The following FMN1 variants were observed in gnomAD, a reference collection of about 807,000 sequenced individuals.
The protein encoded by FMN1 is formin-1.
FMN1 carries 110 observed loss-of-function variants against 132.4 expected under a neutral mutation model. That is an observed-to-expected ratio of 0.83 (90% CI 0.71 to 0.97). The LOEUF (loss-of-function observed/expected upper bound fraction) is 0.97, where lower values mean the gene tolerates loss of function less well. Ranked by LOEUF, FMN1 falls within the 50% of genes least tolerant of loss-of-function variation. The pLI, the probability that FMN1 is intolerant of heterozygous loss-of-function variation, is 0.00. For missense variants in FMN1, 1,792 were observed against 1,705.3 expected, an observed-to-expected ratio of 1.05 and a Z score of -0.90; for synonymous variants, 722 against 651.7, an observed-to-expected ratio of 1.11 and a Z score of -1.64.
chr15:33,123,997 AAGAC>A (rs1962813863), intron 4 of FMN1, among the ~76,000 whole-genome samples: 1 of 152,222 alleles, frequency 6.6e-6, no homozygotes, highest in Admixed American at 6.5e-5. Context: ...CATAGCTACT[AAGAC>A]AGTGTCCCAA....
chr15:32,900,296 A>G lies in FMN1; in HGVS notation c.3508-171T>C, dbSNP rs572505189. The G allele has an allele frequency of 1.2e-3, 850 of 731,186 alleles. 6 individuals are homozygous for G. The highest frequency in any genetic ancestry group is 2.5e-3 in the Middle Eastern group (11 of 4,424). The allele number at this position is 731,186 out of a possible 1,614,324, so 45.3% of individuals were successfully genotyped here. A position where few individuals can be genotyped will look rare whatever the true frequency, so the allele number is the denominator to read the frequency against. ...TTTACTAAGCCATGAGTGTCTTTAC[A>G]AACACATTAACAGCCATTATTTTCT... On this transcript the variant is annotated intron_variant, in intron 13 of 20. Coordinates refer to ENST00000616417, the MANE Select transcript of FMN1 (RefSeq NM_001277313.2).
intron 10 of FMN1, among the ~76,000 whole-genome samples, chr15:32,923,569 T>C (rs1456881228): frequency 2.0e-5 from 3 of 152,186 alleles, no homozygotes. Context: ...CCACAAGGAC[T>C]AGAAGTCTGT....
At chr15:33,012,126 C>T in intron 6 of FMN1, 1 of 461,924 alleles carries the variant, frequency 2.2e-6, no homozygotes, top group Non-Finnish European at 4.0e-6. Context: ...GTCATGTCTG[C>T]ACATCAGAGT....
In FMN1 at chr15:32,901,623, T is replaced by G. The variant is rs1405216227; in HGVS notation, c.3507+288A>C. Reference sequence around the variant, plus strand: ...AAACAGACCATGCTATTTAGATTGGTTTTTAGTGGCCAGTATGTACTTTGG... The same window carrying G: ...AAACAGACCATGCTATTTAGATTGGGTTTTAGTGGCCAGTATGTACTTTGG... On this transcript the variant is annotated intron_variant, in intron 13 of 20. Coordinates refer to ENST00000616417, the MANE Select transcript of FMN1 (RefSeq NM_001277313.2). Among the ~76,000 whole-genome samples, 5 of 152,146 alleles carry G rather than the reference T, an allele frequency of 3.3e-5. No individual in the cohort carries two copies. The East Asian group carries it at 9.6e-4, about 29-fold the overall frequency.
At chr15:33,017,328 G>A (rs1596477595) in intron 6 of FMN1, among the ~76,000 whole-genome samples, 1 of 152,132 alleles carries the variant, frequency 6.6e-6, no homozygotes, top group South Asian at 2.1e-4. Context: ...TAATAATAAT[G>A]TATTGGGTCA....
intron 17 of FMN1, among the ~76,000 whole-genome samples, chr15:32,855,401 C>G (rs16959975): frequency 0.15 from 22,086 of 152,064 alleles, 1,960 homozygotes; most frequent in East Asian, 0.31. Flanking sequence ...TATAAATTCC[C>G]TTTCTCTGAA....
intron 4 of FMN1, among the ~76,000 whole-genome samples, chr15:33,107,714 G>C (rs1028592819): frequency 5.3e-5 from 8 of 152,072 alleles, no homozygotes; most frequent in African/African-American, 1.9e-4. Context: ...TTGCCAACAA[G>C]CTCTCTAGTA....
chr15:32,959,664 C>CAGAGAAACATT (rs1170962094), intron 9 of FMN1, among the ~76,000 whole-genome samples: 1 of 152,106 alleles, frequency 6.6e-6, no homozygotes, highest in Non-Finnish European at 1.5e-5. Flanking sequence ...CCCCCTCAGA[C>CAGAGAAACATT]AGAGAAACAA....
chr15:33,087,478 A>G (rs1360868337), intron 5 of FMN1, among the ~76,000 whole-genome samples: 1 of 152,152 alleles, frequency 6.6e-6, no homozygotes, highest in Non-Finnish European at 1.5e-5. Context: ...CCCGGGAGGC[A>G]GAGGTTGCAA....
At chr15:32,866,066 C>T (rs1027819005) in intron 16 of FMN1, among the ~76,000 whole-genome samples, 11 of 151,480 alleles carry the variant, frequency 7.3e-5, no homozygotes, top group South Asian at 2.1e-4. Context: ...CATCACACAA[C>T]GGGGCCTGTT....
At chr15:33,098,539 G>C (rs1385034339) in intron 4 of FMN1, among the ~76,000 whole-genome samples, 16 of 152,152 alleles carry the variant, frequency 1.1e-4, no homozygotes, top group Admixed American at 5.2e-4. Flanking sequence ...CAACAGCCAG[G>C]CCTGATCACC....
chr15:32,947,296 A>G (rs1274506066), intron 9 of FMN1, among the ~76,000 whole-genome samples: 1 of 152,102 alleles, frequency 6.6e-6, no homozygotes, highest in Non-Finnish European at 1.5e-5. Flanking sequence ...GATCTGAGAT[A>G]CCACATTTGT....
chr15:33,013,271 G>A (rs1191172837), intron 6 of FMN1, among the ~76,000 whole-genome samples: 1 of 152,200 alleles, frequency 6.6e-6, no homozygotes, highest in Non-Finnish European at 1.5e-5. Context: ...TATATAACAG[G>A]TTATTTTAAT....
In FMN1 at chr15:33,069,998, T is replaced by C. The variant is rs1453610617; in HGVS notation, c.2044-4924A>G. ...ATCATAAGATCAGTCTTTCTCTTTT[T>C]TTTTTTTTTTTTTTTTTTTTTTTTG... On this transcript the variant is annotated intron_variant, in intron 5 of 20. Coordinates refer to ENST00000616417, the MANE Select transcript of FMN1 (RefSeq NM_001277313.2). Among the ~76,000 whole-genome samples the C allele has an allele frequency of 7.3e-4, 86 of 117,998 alleles. 1 individual carries two copies. Among genetic ancestry groups the C allele is most frequent in the Non-Finnish European group, 1.1e-3 (68 of 59,142 alleles). The allele number at this position is 117,998 out of a possible 152,430, so 77.4% of individuals were successfully genotyped here.
intron 5 of FMN1, among the ~76,000 whole-genome samples, chr15:33,070,912 A>C (rs2037973213): frequency 6.6e-6 from 1 of 151,966 alleles, no homozygotes; most frequent in Non-Finnish European, 1.5e-5. Context: ...CAGAAGATTA[A>C]AAGTCTTGCC....
intron 2 of FMN1, among the ~76,000 whole-genome samples, chr15:33,187,581 G>A (rs973490344): frequency 6.6e-6 from 1 of 152,120 alleles, no homozygotes; most frequent in Non-Finnish European, 1.5e-5. Flanking sequence ...GAATTCTGTG[G>A]GTCAAGCTCC....
At chr15:33,060,658 C>T (rs1021739748) in intron 6 of FMN1, among the ~76,000 whole-genome samples, 8 of 152,172 alleles carry the variant, frequency 5.3e-5, no homozygotes, top group African/African-American at 1.9e-4. Context: ...GGTCCTCACA[C>T]TCAGCAGGGC....
At chr15:33,001,186 G>A (rs1279946717) in intron 7 of FMN1, among the ~76,000 whole-genome samples, 3 of 152,170 alleles carry the variant, frequency 2.0e-5, no homozygotes, top group Non-Finnish European at 4.4e-5. Flanking sequence ...AAGAGGCTGA[G>A]GCAAGAGAAC....
chr15:32,977,846 A>G (rs906594877), intron 7 of FMN1, among the ~76,000 whole-genome samples: 1 of 152,026 alleles, frequency 6.6e-6, no homozygotes, highest in African/African-American at 2.4e-5. Flanking sequence ...TAAGTATGCA[A>G]TTTAGATACA....
Sources: gnomAD v4.1 joint callset for allele counts (sites outside exome capture counted in the v4.1 genomes callset) on GRCh38, gnomAD v4.1.1 for gene constraint, MANE v1.5 for transcripts, NCBI Gene and HGNC (gene_info 2026-07-23, HGNC 2026-07-21) for gene names.